The following NTNG1 variants were observed in gnomAD, a reference collection of about 807,000 sequenced individuals.
The protein encoded by NTNG1 is netrin-G1.
Under a neutral mutation model 54.0 loss-of-function variants are expected in NTNG1, and 16 were observed. The ratio of observed to expected loss-of-function variants is 0.30; its 90% CI spans 0.20 to 0.45. The LOEUF (loss-of-function observed/expected upper bound fraction) is 0.45, where lower values mean the gene tolerates loss of function less well. Ranked by LOEUF, NTNG1 falls within the 20% of genes least tolerant of loss-of-function variation. The pLI is 1.00. For synonymous variants in NTNG1, 255 were observed against 263.1 expected (o/e 0.97, Z 0.30); for missense variants, 530 against 678.7 (o/e 0.78, Z 2.43).
chr1:107,400,609 T>C (rs1672961567), intron 4 of NTNG1, among the ~76,000 whole-genome samples: 1 of 151,940 alleles, frequency 6.6e-6, no homozygotes, highest in Non-Finnish European at 1.5e-5. Context: ...TAAGAATAGG[T>C]CCATGTTTTA....
At chr1:107,298,747 G>T (rs1666134608) in intron 2 of NTNG1, among the ~76,000 whole-genome samples, 1 of 152,130 alleles carries the variant, frequency 6.6e-6, no homozygotes, top group Non-Finnish European at 1.5e-5. Flanking sequence ...ACATCTGGCT[G>T]CAGCTCCTGT....
intron 2 of NTNG1, among the ~76,000 whole-genome samples, chr1:107,270,668 A>G (rs922568100): frequency 2.0e-5 from 3 of 151,472 alleles, no homozygotes; most frequent in African/African-American, 7.3e-5. Context: ...TCTAAACAAA[A>G]CCCATTAATC....
At chr1:107,473,582 A>G (rs1678121882) in intron 7 of NTNG1, among the ~76,000 whole-genome samples, 1 of 152,098 alleles carries the variant, frequency 6.6e-6, no homozygotes, top group Non-Finnish European at 1.5e-5. Context: ...CAATCAAGAA[A>G]CCCACCAAAA....
At chr1:107,364,614 C>T (rs1670482697) in intron 3 of NTNG1, among the ~76,000 whole-genome samples, 1 of 152,182 alleles carries the variant, frequency 6.6e-6, no homozygotes, top group South Asian at 2.1e-4. Context: ...CTCTTAGTGA[C>T]CTGATCAAAA....
At chr1:107,322,612 A>G (rs1456237275) in intron 2 of NTNG1, among the ~76,000 whole-genome samples, 2 of 152,096 alleles carry the variant, frequency 1.3e-5, no homozygotes, top group South Asian at 2.1e-4. Flanking sequence ...GAATTTAAAT[A>G]ATAATAAATT....
At chr1:107,391,396 T>C (rs1672350910) in intron 3 of NTNG1, among the ~76,000 whole-genome samples, 1 of 152,136 alleles carries the variant, frequency 6.6e-6, no homozygotes, top group African/African-American at 2.4e-5. Context: ...GTTTAGAAGT[T>C]CTTGTAATAA....
chr1:107,268,185 A>G (rs2101678604), intron 2 of NTNG1, among the ~76,000 whole-genome samples: 1 of 152,332 alleles, frequency 6.6e-6, no homozygotes, highest in Non-Finnish European at 1.5e-5. Flanking sequence ...ACATTGCCAC[A>G]TTTCTCTACT....
intron 2 of NTNG1, among the ~76,000 whole-genome samples, chr1:107,254,059 A>C (rs1397701618): frequency 6.6e-6 from 1 of 152,174 alleles, no homozygotes; most frequent in Non-Finnish European, 1.5e-5. Flanking sequence ...TACCTTGTGG[A>C]TTCTGTGGGG....
At chr1:107,417,590 T>TA in intron 5 of NTNG1, among the ~76,000 whole-genome samples, 1 of 152,184 alleles carries the variant, frequency 6.6e-6, no homozygotes, top group African/African-American at 2.4e-5. Flanking sequence ...TTAAAACTCA[T>TA]GCCTGTCCAC....
At chr1:107,217,794 A>T (rs1660073023) in intron 2 of NTNG1, among the ~76,000 whole-genome samples, 1 of 152,088 alleles carries the variant, frequency 6.6e-6, no homozygotes, top group Non-Finnish European at 1.5e-5. Flanking sequence ...ATTTTATTCC[A>T]CTGTGGTCTG....
At chr1:107,153,859 A>G (rs758756149) in intron 2 of NTNG1, among the ~76,000 whole-genome samples, 6 of 152,214 alleles carry the variant, frequency 3.9e-5, no homozygotes, top group Non-Finnish European at 7.3e-5. Context: ...CATAGCATGC[A>G]TGGCTTGTTG....
chr1:107,386,159 ATATATATTTTT>A (rs1671973156), intron 3 of NTNG1, among the ~76,000 whole-genome samples: 1 of 111,044 alleles, frequency 9.0e-6, no homozygotes, highest in African/African-American at 3.1e-5. Context: ...GTATATATAT[ATATATATTTTT>A]TTTTTTTTCT....
chr1:107,158,929 G>A (rs764504511), intron 2 of NTNG1, among the ~76,000 whole-genome samples: 1 of 152,142 alleles, frequency 6.6e-6, no homozygotes, highest in Non-Finnish European at 1.5e-5. Context: ...TAAATTGTCT[G>A]CCAGATATGG....
At chr1:107,241,316 T>C (rs1163681753) in intron 2 of NTNG1, among the ~76,000 whole-genome samples, 1 of 152,158 alleles carries the variant, frequency 6.6e-6, no homozygotes, top group Non-Finnish European at 1.5e-5. Flanking sequence ...TGACATTTGC[T>C]CTTTTGATAA....
chr1:107,155,722 C>T (rs748779541), intron 2 of NTNG1, among the ~76,000 whole-genome samples: 26 of 152,152 alleles, frequency 1.7e-4, no homozygotes, highest in Non-Finnish European at 2.6e-4. Flanking sequence ...CTTGAACATA[C>T]TCCAAGGCAG....
rs148674388 is a variant in NTNG1, at chr1:107,367,616, A to T, written c.888-27538A>T. On this transcript the variant is annotated intron_variant, in intron 3 of 7. Transcript: ENST00000370068. ...TGTAAACAGGCAATTTTACCACAAAATAAATAAATAAATAAATACATGGCA... is the reference window on the plus strand; with the variant it reads ...TGTAAACAGGCAATTTTACCACAAATTAAATAAATAAATAAATACATGGCA... 1.4e-3 allele frequency among the ~76,000 whole-genome samples: 206 copies of T among 152,274 alleles called. 1 individual carries two copies. Among genetic ancestry groups the T allele is most frequent in the African/African-American group, 4.9e-3 (202 of 41,574 alleles).
At chr1:107,184,726 A>T (rs1377441327) in intron 2 of NTNG1, among the ~76,000 whole-genome samples, 2 of 152,184 alleles carry the variant, frequency 1.3e-5, no homozygotes, top group Admixed American at 6.5e-5. Context: ...TGTTTTAAAA[A>T]GGCAGGTTCT....
At chr1:107,158,878 C>A (rs150927993) in intron 2 of NTNG1, among the ~76,000 whole-genome samples, 207 of 152,232 alleles carry the variant, frequency 1.4e-3, no homozygotes, top group Non-Finnish European at 2.5e-3. Flanking sequence ...TTAGTGTGTG[C>A]ATAGGTGCCA....
intron 2 of NTNG1, among the ~76,000 whole-genome samples, chr1:107,291,677 T>C (rs1665613066): frequency 6.6e-6 from 1 of 152,124 alleles, no homozygotes; most frequent in African/African-American, 2.4e-5. Flanking sequence ...ATGTTTCAAA[T>C]GAATAAAAGA....
Sources: allele counts gnomAD v4.1 joint callset (sites outside exome capture counted in the v4.1 genomes callset), GRCh38; gene constraint gnomAD v4.1.1; transcripts MANE v1.5; gene names NCBI Gene and HGNC (gene_info 2026-07-23, HGNC 2026-07-21).